RAD51B: variants seen among roughly 807,000 people sequenced by gnomAD.
The protein encoded by RAD51B is RAD51 paralog B.
Under a neutral mutation model 42.2 loss-of-function variants are expected in RAD51B, and 38 were observed. The observed-to-expected ratio is 0.90, with a 90% CI of 0.70 to 1.18. RAD51B has a LOEUF of 1.18. Ranked by LOEUF, RAD51B falls within the 50% of genes most tolerant of loss-of-function variation. The pLI is 0.00. For synonymous variants in RAD51B, 154 were observed against 145.2 expected, an observed-to-expected ratio of 1.06 and a Z score of -0.43; for missense variants, 373 against 400.7, an observed-to-expected ratio of 0.93 and a Z score of 0.59.
chr14:68,360,845 A>G (rs980895914), intron 8 of RAD51B, among the ~76,000 whole-genome samples: 1 of 152,254 alleles, frequency 6.6e-6, no homozygotes, highest in Admixed American at 6.5e-5. Context: ...GCAGCTGTGT[A>G]GAAATGTGAT....
chr14:68,117,103 GC>G (rs2077562194), intron 7 of RAD51B, among the ~76,000 whole-genome samples: 1 of 152,116 alleles, frequency 6.6e-6, no homozygotes, highest in Non-Finnish European at 1.5e-5. Flanking sequence ...TGTGACTTGC[GC>G]CTATATCATA....
At chr14:68,680,989 A>C (rs1167416156) in intron 11 of RAD51B, among the ~76,000 whole-genome samples, 1 of 152,138 alleles carries the variant, frequency 6.6e-6, no homozygotes, top group African/African-American at 2.4e-5. Flanking sequence ...ATCACTTCAC[A>C]GCTGGTCAGC....
intron 7 of RAD51B, among the ~76,000 whole-genome samples, chr14:68,138,373 A>T (rs145168606): frequency 4.6e-5 from 7 of 152,318 alleles, no homozygotes; most frequent in African/African-American, 1.7e-4. Flanking sequence ...ATAATAAAAC[A>T]ACATCTTTTA....
intron 7 of RAD51B, among the ~76,000 whole-genome samples, chr14:68,119,746 C>A (rs2077614592): frequency 6.6e-6 from 1 of 151,640 alleles, no homozygotes; most frequent in Non-Finnish European, 1.5e-5. Context: ...GGTCCCAAGT[C>A]TTTGCTATTG....
At chr14:68,000,318 C>T (rs2075458348) in intron 7 of RAD51B, 1 of 152,098 alleles carries the variant, frequency 6.6e-6, no homozygotes. Context: ...CTTTGGGTAA[C>T]TTCCATATTT....
intron 7 of RAD51B, among the ~76,000 whole-genome samples, chr14:68,101,694 G>T (rs1378894459): frequency 6.6e-6 from 1 of 152,224 alleles, no homozygotes; most frequent in Non-Finnish European, 1.5e-5. Context: ...TGTTTTCACA[G>T]GCTGGTGTTG....
At chr14:68,674,901 C>T (rs983545809) in intron 11 of RAD51B, among the ~76,000 whole-genome samples, 9 of 152,174 alleles carry the variant, frequency 5.9e-5, no homozygotes, top group East Asian at 1.9e-4. Context: ...GACGATGGGC[C>T]GCTGCTCAGC....
chr14:68,282,817 A>G (rs574952723), intron 7 of RAD51B, among the ~76,000 whole-genome samples: 39 of 152,268 alleles, frequency 2.6e-4, no homozygotes, highest in Admixed American at 2.1e-3. Context: ...TTAGGATGCC[A>G]TTTGTGCTGG....
chr14:68,314,932 A>G (rs1348179419), intron 8 of RAD51B, among the ~76,000 whole-genome samples: 1 of 152,222 alleles, frequency 6.6e-6, no homozygotes, highest in Non-Finnish European at 1.5e-5. Flanking sequence ...GTTCACCAGA[A>G]GGCCTTTCAG....
At chr14:68,396,921 A>G (rs1287838173) in intron 8 of RAD51B, among the ~76,000 whole-genome samples, 2 of 152,352 alleles carry the variant, frequency 1.3e-5, no homozygotes, top group African/African-American at 4.8e-5. Flanking sequence ...AAAAGAAACA[A>G]TGAAAAGAAA....
chr14:68,191,461 A>G (rs180725758), intron 7 of RAD51B, among the ~76,000 whole-genome samples: 20 of 152,340 alleles, frequency 1.3e-4, no homozygotes, highest in Middle Eastern at 3.4e-3. Context: ...TAAAATGAGA[A>G]AAGTCATACT....
At chr14:68,455,767 T>C (rs2085670488) in intron 9 of RAD51B, among the ~76,000 whole-genome samples, 1 of 151,494 alleles carries the variant, frequency 6.6e-6, no homozygotes, top group Admixed American at 6.6e-5. Context: ...TTGGTAAAGA[T>C]AAATATGTAG....
At chr14:68,314,948 G>C (rs1011918662) in intron 8 of RAD51B, among the ~76,000 whole-genome samples, 1 of 152,194 alleles carries the variant, frequency 6.6e-6, no homozygotes, top group African/African-American at 2.4e-5. Context: ...TTCAGTCTTT[G>C]TCTCATTTTA....
intron 7 of RAD51B, among the ~76,000 whole-genome samples, chr14:68,058,228 G>C (rs932602734): frequency 6.6e-6 from 1 of 152,010 alleles, no homozygotes; most frequent in East Asian, 1.9e-4. Context: ...ATTCACAATT[G>C]GTTTACCAGT....
rs80168210 is a variant in RAD51B, at chr14:68,272,372, C to T, written c.757-19512C>T. Reference sequence around the variant, plus strand: ...CTGAGAACCACACCCACTAAGTGGACGACCCAGTTATGAATCCTTGCTCCA... The same window carrying T: ...CTGAGAACCACACCCACTAAGTGGATGACCCAGTTATGAATCCTTGCTCCA... On this transcript the variant is annotated intron_variant, in intron 7 of 10. Coordinates refer to ENST00000471583, the MANE Select transcript of RAD51B (RefSeq NM_133510.4). Among the ~76,000 whole-genome samples the T allele has an allele frequency of 4.0e-3, 603 of 151,932 alleles. 4 individuals are homozygous for T. Among genetic ancestry groups the T allele is most frequent in the African/African-American group, 0.014 (579 of 41,390 alleles).
intron 8 of RAD51B, among the ~76,000 whole-genome samples, chr14:68,314,454 G>C (rs1208265156): frequency 6.6e-6 from 1 of 152,186 alleles, no homozygotes; most frequent in African/African-American, 2.4e-5. Flanking sequence ...GACTTAAAAT[G>C]CTTGCCTCTT....
At chr14:68,589,312 A>G (rs1890632599) in intron 10 of RAD51B, among the ~76,000 whole-genome samples, 1 of 152,222 alleles carries the variant, frequency 6.6e-6, no homozygotes, top group South Asian at 2.1e-4. Flanking sequence ...AACAGTGAGC[A>G]TAGCCACCCA....
At chr14:68,593,328 C>G (rs900633929) in intron 10 of RAD51B, among the ~76,000 whole-genome samples, 15 of 152,236 alleles carry the variant, frequency 9.9e-5, no homozygotes, top group Non-Finnish European at 2.1e-4. Flanking sequence ...GTGAGAGGCT[C>G]TTGGAACAGG....
intron 7 of RAD51B, among the ~76,000 whole-genome samples, chr14:68,041,194 T>G (rs1595304411): frequency 6.6e-6 from 1 of 152,314 alleles, no homozygotes; most frequent in East Asian, 1.9e-4. Flanking sequence ...TGTGCAGGCA[T>G]CCCCTTCGCC....
Sources: gnomAD v4.1 joint callset for allele counts (sites outside exome capture counted in the v4.1 genomes callset) on GRCh38, gnomAD v4.1.1 for gene constraint, MANE v1.5 for transcripts, NCBI Gene and HGNC (gene_info 2026-07-23, HGNC 2026-07-21) for gene names.